CEP43: variants seen among roughly 807,000 people sequenced by gnomAD.
CEP43 encodes FGFR1 oncogene partner.
In CEP43, 36 loss-of-function variants were observed where a neutral mutation model predicts 52.6. The observed-to-expected ratio is 0.68, with a 90% CI of 0.52 to 0.90. The LOEUF is 0.90. Ranked by LOEUF, CEP43 falls within the 40% of genes least tolerant of loss-of-function variation. The pLI is 0.00. For missense variants in CEP43, 506 were observed against 472.8 expected, an observed-to-expected ratio of 1.07 and a Z score of -0.65; for synonymous variants, 192 against 172.4, an observed-to-expected ratio of 1.11 and a Z score of -0.89.
intron 2 of CEP43, 87 bp downstream of exon 2, chr6:167,000,200 G>A: frequency 9.9e-7 from 1 of 1,005,894 alleles, no homozygotes; most frequent in Non-Finnish European, 1.5e-6. Flanking sequence ...ATAGTTTATA[G>A]TAACATATAG....
At chr6:167,018,380 G>A (rs574272457) in intron 7 of CEP43, among the ~76,000 whole-genome samples, 1 of 152,134 alleles carries the variant, frequency 6.6e-6, no homozygotes, top group East Asian at 1.9e-4. Context: ...GCATTGCCAT[G>A]GTATGTGTGT....
At chr6:167,034,782 TCA>T (rs1196401000) in intron 12 of CEP43, among the ~76,000 whole-genome samples, 3 of 152,244 alleles carry the variant, frequency 2.0e-5, no homozygotes, top group African/African-American at 4.8e-5. Context: ...CCTTTGACTC[TCA>T]GTTTCTTTAC....
intron 12 of CEP43, chr6:167,035,959 G>A (rs73031589): frequency 0.016 from 10,529 of 641,192 alleles, 136 homozygotes; most frequent in East Asian, 0.091. Flanking sequence ...AAAGCATATA[G>A]CTCAGTGCTT....
Position 167,033,911 on chromosome 6 carries a change from T to C in CEP43, c.1065T>C (p.Ile355=). ...SHRSEKSEIS[I]GEEIEEDLSV... ...GCTCAGAGAAAAGTGAGATAAGTAT[T>C]GGTGAAGAGATAGAAGAAGACCTTT... Residue 355 remains isoleucine, a synonymous_variant, in exon 12 of 13, where the codon ATT becomes ATC. Coordinates refer to ENST00000366847, the MANE Select transcript of CEP43 (RefSeq NM_007045.4). The C allele has an allele frequency of 6.2e-7, 1 of 1,600,646 alleles. No individual in the cohort carries two copies. Among genetic ancestry groups the C allele is most frequent in the Non-Finnish European group, 8.5e-7 (1 of 1,171,452 alleles).
In CEP43 at chr6:167,024,792, C is replaced by T. The variant is rs1780317031; in HGVS notation, c.817C>T (p.Pro273Ser). 2.5e-6 allele frequency: 4 copies of T among 1,612,702 alleles called. No individual in the cohort carries two copies. The highest frequency in any genetic ancestry group is 3.4e-6 in the Non-Finnish European group (4 of 1,179,056). Reference sequence around the variant, plus strand: ...CTTGTTTCTTGTTAGGAGGAAGGAACCTAGGAAGCAAGCAGGAAGTCTGGC... The same window carrying T: ...CTTGTTTCTTGTTAGGAGGAAGGAATCTAGGAAGCAAGCAGGAAGTCTGGC... ...PEKTYGLRKEPRKQAGSLASL... is the reference protein window; with the variant it reads ...PEKTYGLRKESRKQAGSLASL... Residue 273 changes from proline to serine, a missense_variant, in exon 9 of 13, where the codon CCT becomes TCT. By Grantham distance (74) the Pro-to-Ser change is moderately conservative. Transcript: ENST00000366847.
At chr6:167,029,091 T>C (rs916606049) in intron 10 of CEP43, among the ~76,000 whole-genome samples, 1 of 152,236 alleles carries the variant, frequency 6.6e-6, no homozygotes, top group Non-Finnish European at 1.5e-5. Context: ...TTTTGTTTTT[T>C]AACAATCTTT....
chr6:167,027,868 A>C lies in CEP43; in HGVS notation c.988+1253A>C, dbSNP rs1010962298. 4.1e-6 allele frequency: 4 copies of C among 985,492 alleles called. No homozygotes were observed. The African/African-American group carries it at 7.0e-5, about 17-fold the overall frequency. The allele number at this position is 985,492 out of a possible 1,614,324, so 61.0% of individuals were successfully genotyped here. Reference sequence around the variant, plus strand: ...CGTTACTTTTCCCCCCATTTGCAGAAGAATAAATGTTCCCTGAGCTGCCCG... The same window carrying C: ...CGTTACTTTTCCCCCCATTTGCAGACGAATAAATGTTCCCTGAGCTGCCCG... On this transcript the variant is annotated intron_variant, in intron 10 of 12. Coordinates refer to ENST00000366847, the MANE Select transcript of CEP43 (RefSeq NM_007045.4).
chr6:167,009,685 A>AAAAC (rs1779941831), intron 5 of CEP43, among the ~76,000 whole-genome samples: 1 of 148,440 alleles, frequency 6.7e-6, no homozygotes, highest in Non-Finnish European at 1.5e-5. Context: ...AAAAAAAAAA[A>AAAAC]GTTAGTTGGG....
chr6:167,030,778 C>A (rs1428705851), intron 10 of CEP43, among the ~76,000 whole-genome samples: 1 of 152,110 alleles, frequency 6.6e-6, no homozygotes, highest in Non-Finnish European at 1.5e-5. Flanking sequence ...TTTCTTCTGG[C>A]GGTGGTACGA....
At chr6:167,023,787 G>A (rs915283832) in intron 8 of CEP43, among the ~76,000 whole-genome samples, 2 of 152,188 alleles carry the variant, frequency 1.3e-5, no homozygotes, top group South Asian at 4.1e-4. Context: ...GATGCCGTTG[G>A]ATTTAGCCAT....
intron 4 of CEP43, 180 bp downstream of exon 4, chr6:167,003,991 T>G (rs1352941934): frequency 1.7e-6 from 1 of 597,026 alleles, no homozygotes; most frequent in Non-Finnish European, 2.9e-6. Flanking sequence ...GCACCAGTGT[T>G]GCTGCTTTGT....
chr6:167,021,352 C>G (rs1251739207), intron 7 of CEP43, among the ~76,000 whole-genome samples: 1 of 152,188 alleles, frequency 6.6e-6, no homozygotes, highest in Non-Finnish European at 1.5e-5. Flanking sequence ...GAGACTTTGA[C>G]AAGTGACATC....
intron 5 of CEP43, 70 bp from the exon 6 acceptor site, chr6:167,010,743 A>G (rs1042852724): frequency 9.1e-6 from 6 of 661,722 alleles, no homozygotes; most frequent in East Asian, 3.3e-5. Context: ...CTAAAATTCT[A>G]TTGGAGTGTA....
chr6:167,035,254 G>A lies in CEP43; in HGVS notation c.1125+1283G>A, dbSNP rs141085278. Among the ~76,000 whole-genome samples the A allele has an allele frequency of 2.8e-3, 432 of 152,330 alleles. 3 individuals are homozygous for A. Among genetic ancestry groups the A allele is most frequent in the African/African-American group, 0.01 (420 of 41,570 alleles). On this transcript the variant is annotated intron_variant, in intron 12 of 12. Transcript: ENST00000366847. ...CATAGATTGGACTTTGACAGTCACT[G>A]TACTTCATCAGGAAGCATTTTCTAA... is the stretch of plus-strand genomic sequence containing the variant.
rs1780749211 is a variant in CEP43 at position 167,043,723 on chromosome 6, A to G, written c.*3745A>G. On this transcript the variant is annotated 3_prime_UTR_variant, in exon 13 of 13. Coordinates refer to ENST00000366847, the MANE Select transcript of CEP43 (RefSeq NM_007045.4). Reference sequence around the variant, plus strand: ...AGGAAGGGACGTGTTTGGGGAGGAAATCCAGGGCAGCTACCTTTGTGAGTT... The same window carrying G: ...AGGAAGGGACGTGTTTGGGGAGGAAGTCCAGGGCAGCTACCTTTGTGAGTT... The G allele has an allele frequency of 6.6e-6, 1 of 152,108 alleles. No individual in the cohort carries two copies. The highest frequency in any genetic ancestry group is 1.5e-5 in the Non-Finnish European group (1 of 68,054). The allele number at this position is 152,108 out of a possible 1,614,324, so 9.4% of individuals were successfully genotyped here.
Position 167,042,071 on chromosome 6 carries a change from C to G in CEP43, c.*2093C>G. On this transcript the variant is annotated 3_prime_UTR_variant, in exon 13 of 13. Transcript: ENST00000366847. ...ACTCCTGACCTCGTTCCTGCCTTAG[C>G]CTCCTAAAGTGCCGGGATTACAGGC... 1.1e-6 allele frequency: 1 copy of G among 876,042 alleles called. No homozygotes were observed. The highest frequency in any genetic ancestry group is 1.8e-5 in the African/African-American group (1 of 54,390). 54.3% of individuals were successfully genotyped at this position (876,042 alleles called of 1,614,324 possible).
At chr6:167,009,851 AAAAG>A (rs955175089) in intron 5 of CEP43, among the ~76,000 whole-genome samples, 10 of 146,166 alleles carry the variant, frequency 6.8e-5, no homozygotes, top group South Asian at 2.1e-4. Flanking sequence ...AAAGAAAAAT[AAAAG>A]AAAGAAAGAA....
At position 167,000,043 on chromosome 6, in the gene CEP43, C is replaced by T; in HGVS notation, c.103-17C>T. The T allele has an allele frequency of 6.2e-7, 1 of 1,600,376 alleles. No homozygotes were observed. ...GTCTTGAAATTATAATTTCCTGTTT[C>T]TTAACTTTTTTTTAAGGCTGAACTC... On this transcript the variant is annotated splice_polypyrimidine_tract_variant and intron_variant, in intron 1 of 12. Transcript: ENST00000366847.
intron 5 of CEP43, among the ~76,000 whole-genome samples, chr6:167,007,316 G>A (rs1475244300): frequency 1.3e-5 from 2 of 152,122 alleles, no homozygotes; most frequent in African/African-American, 4.8e-5. Flanking sequence ...GTGGATTTGA[G>A]GCCTCCCCTG....
Sources: gnomAD v4.1 joint callset for allele counts (sites outside exome capture counted in the v4.1 genomes callset) on GRCh38, gnomAD v4.1.1 for gene constraint, MANE v1.5 for transcripts, NCBI Gene and HGNC (gene_info 2026-07-23, HGNC 2026-07-21) for gene names.